FABP4: variants seen among roughly 807,000 people sequenced by gnomAD.
The protein encoded by FABP4 is fatty acid-binding protein, adipocyte.
Under a neutral mutation model 14.6 loss-of-function variants are expected in FABP4, and 17 were observed. The observed-to-expected ratio is 1.16, with a 90% CI of 0.80 to 1.74. The LOEUF (loss-of-function observed/expected upper bound fraction) is 1.74, where lower values mean the gene tolerates loss of function less well. Among genes scored for constraint, FABP4 ranks in the 40% most tolerant of loss-of-function variants. The pLI is 0.00. For missense variants in FABP4, 149 were observed against 160.3 expected (o/e 0.93, Z 0.38); for synonymous variants, 54 against 54.6 (o/e 0.99, Z 0.05).
At chr8:81,480,288 C>T in intron 2 of FABP4, 138 bp downstream of exon 2, 1 of 763,872 alleles carries the variant, frequency 1.3e-6, no homozygotes, top group Non-Finnish European at 2.0e-6. Context: ...TCTAAGGAAA[C>T]ACAGTTTAGA....
chr8:81,482,602 TA>T (rs1374583129), intron 1 of FABP4, among the ~76,000 whole-genome samples: 1 of 152,208 alleles, frequency 6.6e-6, no homozygotes, highest in Non-Finnish European at 1.5e-5. Flanking sequence ...AACAACCACA[TA>T]TTTTAATAGA....
rs775316516 is a variant in FABP4 at position 81,478,933 on chromosome 8, T to C, written c.349-18A>G. ...ACGCATTCCTAGACACAAAAAACAA[T>C]TCTTGGTCAATCACTGGATTAAACC... On this transcript the variant is annotated intron_variant, in intron 3 of 3. Coordinates refer to ENST00000256104, the MANE Select transcript of FABP4 (RefSeq NM_001442.3). 6.2e-7 allele frequency: 1 copy of C among 1,607,614 alleles called. No homozygotes were observed. Among genetic ancestry groups the C allele is most frequent in the Non-Finnish European group, 8.5e-7 (1 of 1,175,588 alleles).
intron 2 of FABP4, 39 bp from the exon 3 acceptor site, chr8:81,479,554 G>A (rs757781851): frequency 2.0e-6 from 3 of 1,511,046 alleles, no homozygotes; most frequent in Admixed American, 1.8e-5. Context: ...TGTGCAGAGG[G>A]AGGCAGAAAA....
At position 81,478,872 on chromosome 8, in the gene FABP4, C is replaced by G. The variant is rs778637261; in HGVS notation, c.392G>C (p.Arg131Thr). The G allele has an allele frequency of 1.2e-6, 2 of 1,612,868 alleles. No individual in the cohort carries two copies. The highest frequency in any genetic ancestry group is 8.5e-7 in the Non-Finnish European group (1 of 1,179,190). ...KGVTSTRVYE[R>T]A ...AGGTCAACGTCCCTTGGCTTATGCT[C>G]TCTCATAAACTCTCGTGGAAGTGAC... is the stretch of plus-strand genomic sequence containing the variant. Residue 131 changes from arginine (R) to threonine (T), a missense_variant, in exon 4 of 4, where the codon AGA becomes ACA. By Grantham distance (71) the Arg-to-Thr change is moderately conservative. Coordinates refer to ENST00000256104, the MANE Select transcript of FABP4 (RefSeq NM_001442.3).
At chr8:81,479,038 A>C (rs563428341) in intron 3 of FABP4, 123 bp from the exon 4 acceptor site, 5 of 806,000 alleles carry the variant, frequency 6.2e-6, no homozygotes, top group Non-Finnish European at 1.0e-5. Context: ...GGACTCCTAT[A>C]TATGTAACCC....
chr8:81,478,976 C>T lies in FABP4; in HGVS notation c.349-61G>A. The T allele has an allele frequency of 1.5e-6, 2 of 1,378,944 alleles. 1 individual carries two copies. Among genetic ancestry groups the T allele is most frequent in the South Asian group, 2.3e-5 (2 of 85,432 alleles). 85.4% of individuals were successfully genotyped at this position (1,378,944 alleles called of 1,614,324 possible). A position where few individuals can be genotyped will look rare whatever the true frequency, so the allele number is the denominator to read the frequency against. On this transcript the variant is annotated intron_variant, in intron 3 of 3. Coordinates refer to ENST00000256104, the MANE Select transcript of FABP4 (RefSeq NM_001442.3). ...ATTAAACCATGGATTTATTTATTGT[C>T]TCTCTGAATGTTGGGAATAAAACAA...
intron 1 of FABP4, among the ~76,000 whole-genome samples, chr8:81,481,664 G>A (rs1035441742): frequency 1.3e-5 from 2 of 152,174 alleles, no homozygotes; most frequent in Admixed American, 6.5e-5. Flanking sequence ...CTGAGGCTCC[G>A]ATTTGGCTGT....
At chr8:81,480,774 A>AAAAAG in intron 1 of FABP4, among the ~76,000 whole-genome samples, 176 bp from the exon 2 acceptor site, 1 of 151,850 alleles carries the variant, frequency 6.6e-6, no homozygotes, top group Non-Finnish European at 1.5e-5. Context: ...TACTTAAAAA[A>AAAAAG]AAAAAAAAAA....
chr8:81,480,684 T>TCAGA, intron 1 of FABP4, 86 bp from the exon 2 acceptor site: 1 of 1,167,240 alleles, frequency 8.6e-7, no homozygotes. Context: ...TGCACACAGG[T>TCAGA]GCATGTGCAG....
chr8:81,481,124 CAA>C (rs1389040689), intron 1 of FABP4, among the ~76,000 whole-genome samples: 1 of 152,118 alleles, frequency 6.6e-6, no homozygotes, highest in African/African-American at 2.4e-5. Flanking sequence ...TTTGAGTATA[CAA>C]AAGTCACATT....
chr8:81,479,128 G>A (rs1808021402), intron 3 of FABP4, among the ~76,000 whole-genome samples: 1 of 152,094 alleles, frequency 6.6e-6, no homozygotes, highest in Non-Finnish European at 1.5e-5. Context: ...AATCTGTATG[G>A]TGACTGAGAA....
chr8:81,483,222 GGAGGGTGCTGT>G lies in FABP4; in HGVS notation c.-66_-56del. 1 of 1,428,322 alleles carries G rather than the reference GGAGGGTGCTGT, an allele frequency of 7.0e-7. No individual in the cohort carries two copies. Among genetic ancestry groups the G allele is most frequent in the Middle Eastern group, 1.8e-4 (1 of 5,626 alleles). The allele number at this position is 1,428,322 out of a possible 1,614,324, so 88.5% of individuals were successfully genotyped here. ...GGTGAGAAGGAAGCTGCAGTTTTCA[GGAGGGTGCTGT>G]GACCCTCTTGAGTCCAGATAACTTC... is the stretch of plus-strand genomic sequence containing the variant. On this transcript the variant is annotated 5_prime_UTR_variant, in exon 1 of 4. Transcript: ENST00000256104.
Position 81,483,180 on chromosome 8 carries a change from C to G in FABP4, c.-13G>C, listed in dbSNP as rs775686685. 1.2e-6 allele frequency: 2 copies of G among 1,604,980 alleles called. No individual in the cohort carries two copies. Among genetic ancestry groups the G allele is most frequent in the Non-Finnish European group, 8.5e-7 (1 of 1,175,816 alleles). On this transcript the variant is annotated 5_prime_UTR_variant, in exon 1 of 4. Transcript: ENST00000256104. ...AAGCATCACACATTTTGTGAGTTTT[C>G]TAGGATTATTCTTCAAGGTGAGAAG... is the stretch of plus-strand genomic sequence containing the variant.
chr8:81,482,405 T>A (rs1808093485), intron 1 of FABP4, among the ~76,000 whole-genome samples: 1 of 152,188 alleles, frequency 6.6e-6, no homozygotes, highest in Non-Finnish European at 1.5e-5. Context: ...AATGACATGC[T>A]GACAGTTAAC....
At position 81,483,191 on chromosome 8, in the gene FABP4, C is replaced by G; in HGVS notation, c.-24G>C. 1.3e-6 allele frequency: 2 copies of G among 1,596,374 alleles called. No homozygotes were observed. Among genetic ancestry groups the G allele is most frequent in the Non-Finnish European group, 1.7e-6 (2 of 1,169,658 alleles). Reference sequence around the variant, plus strand: ...ATTTTGTGAGTTTTCTAGGATTATTCTTCAAGGTGAGAAGGAAGCTGCAGT... The same window carrying G: ...ATTTTGTGAGTTTTCTAGGATTATTGTTCAAGGTGAGAAGGAAGCTGCAGT... On this transcript the variant is annotated 5_prime_UTR_variant, in exon 1 of 4. Transcript: ENST00000256104.
In FABP4 at chr8:81,478,834, C is replaced by T. The variant is rs763235334; in HGVS notation, c.*31G>A. ...CCACAGAATGTTGTAGAGTTCAATG[C>T]GAACTTCAGTCCAGGTCAACGTCCC... On this transcript the variant is annotated 3_prime_UTR_variant, in exon 4 of 4. Coordinates refer to ENST00000256104, the MANE Select transcript of FABP4 (RefSeq NM_001442.3). 28 of 1,597,266 alleles carry T rather than the reference C, an allele frequency of 1.8e-5. No individual in the cohort carries two copies. Among genetic ancestry groups the T allele is most frequent in the Middle Eastern group, 1.7e-4 (1 of 6,026 alleles).
Position 81,479,493 on chromosome 8 carries a change from C to G in FABP4, c.269G>C (p.Gly90Ala). 3 of 1,613,064 alleles carry G rather than the reference C, an allele frequency of 1.9e-6. No homozygotes were observed. The highest frequency in any genetic ancestry group is 2.5e-6 in the Non-Finnish European group (3 of 1,179,258). Reference protein sequence around the residue: ...KVKSTITLDGGVLVHVQKWDG... With the variant: ...KVKSTITLDGAVLVHVQKWDG... ...CCATTTCTGCACATGTACCAGGACACCCCCATCTAAGGTTATGGTGCTCTG... is the reference window on the plus strand; with the variant it reads ...CCATTTCTGCACATGTACCAGGACAGCCCCATCTAAGGTTATGGTGCTCTG... Residue 90 changes from glycine to alanine, a missense_variant, in exon 3 of 4, where the codon GGT becomes GCT. Gly to Ala is a moderately conservative substitution (Grantham distance 60). Transcript: ENST00000256104.
chr8:81,479,541 C>A (rs1245505173), intron 2 of FABP4, 26 bp from the exon 3 acceptor site: 4 of 1,578,622 alleles, frequency 2.5e-6, no homozygotes, highest in African/African-American at 2.7e-5. Context: ...AATGTAATGA[C>A]AATGTGCAGA....
chr8:81,479,438 T>C lies in FABP4; in HGVS notation c.324A>G (p.Lys108=), dbSNP rs766192753. 28 of 1,613,182 alleles carry C rather than the reference T, an allele frequency of 1.7e-5. No individual in the cohort carries two copies. The South Asian group carries it at 2.9e-4, about 16-fold the overall frequency. The change falls in exon 3 of 4, where the codon AAA becomes AAG. Residue 108 remains lysine (K), a synonymous_variant. Transcript: ENST00000256104. The part of the protein sequence containing the change: ...WDGKSTTIKR[K]REDDKLVVEC... ...CCACCACCAGTTTATCATCCTCTCG[T>C]TTTCTCTTTATGGTGGTTGATTTTC...
Sources: gnomAD v4.1 joint callset for allele counts (sites outside exome capture counted in the v4.1 genomes callset) on GRCh38, gnomAD v4.1.1 for gene constraint, MANE v1.5 for transcripts, NCBI Gene and HGNC (gene_info 2026-07-23, HGNC 2026-07-21) for gene names.